Variants in CA12 observed in about 807,000 individuals in gnomAD.
CA12 encodes the protein carbonate dehydratase XII.
Under a neutral mutation model 46.8 loss-of-function variants are expected in CA12, and 36 were observed. The ratio of observed to expected loss-of-function variants is 0.77; its 90% CI spans 0.59 to 1.02. The LOEUF (loss-of-function observed/expected upper bound fraction) is 1.02, where lower values mean the gene tolerates loss of function less well. CA12 is among the 50% of genes least tolerant of loss of function. The pLI is 0.00. For missense variants in CA12, 436 were observed against 451.4 expected (o/e 0.97, Z 0.31); for synonymous variants, 202 against 187.0 (o/e 1.08, Z -0.65).
At chr15:63,344,770 A>G (rs777198797) in intron 4 of CA12, among the ~76,000 whole-genome samples, 36 of 152,132 alleles carry the variant, frequency 2.4e-4, no homozygotes, top group Non-Finnish European at 4.9e-4. Flanking sequence ...TGGAGTGCCA[A>G]AATGGAGCAT....
intron 2 of CA12, among the ~76,000 whole-genome samples, chr15:63,371,043 A>C (rs900335820): frequency 6.6e-6 from 1 of 152,200 alleles, no homozygotes; most frequent in Admixed American, 6.5e-5. Flanking sequence ...GTGAGGTCAC[A>C]CAGTGCCTTT....
chr15:63,362,793 C>T (rs558493664), intron 2 of CA12, among the ~76,000 whole-genome samples: 2 of 152,132 alleles, frequency 1.3e-5, no homozygotes. Context: ...AAAAAAACCA[C>T]GAAAACAAAA....
intron 2 of CA12, among the ~76,000 whole-genome samples, chr15:63,352,101 G>T (rs2039240053): frequency 1.3e-5 from 2 of 152,312 alleles, no homozygotes; most frequent in South Asian, 4.1e-4. Flanking sequence ...TGTCACCAAG[G>T]CTGGAGTGCA....
In CA12 at chr15:63,374,105, C is replaced by G. The variant is rs906141612; in HGVS notation, c.106+1553G>C. Among the ~76,000 whole-genome samples, 2 of 152,164 alleles carry G rather than the reference C, an allele frequency of 1.3e-5. No individual in the cohort carries two copies. The highest frequency in any genetic ancestry group is 2.9e-5 in the Non-Finnish European group (2 of 68,036). On this transcript the variant is annotated intron_variant, in intron 2 of 10. Transcript: ENST00000178638. This position sits in a 1 kb window ranked among gnomAD's most constrained non-coding sequence, Gnocchi z 4.4. ...ACTCTTCCTAAAACACAGACTTACTCCCTGCCCTGCCCCTCCAGGAGCAGG... is the reference window on the plus strand; with the variant it reads ...ACTCTTCCTAAAACACAGACTTACTGCCTGCCCTGCCCCTCCAGGAGCAGG...
intron 4 of CA12, among the ~76,000 whole-genome samples, chr15:63,344,936 C>T (rs2039126466): frequency 6.6e-6 from 1 of 152,160 alleles, no homozygotes; most frequent in Admixed American, 6.5e-5. Flanking sequence ...AGTCTGCTTG[C>T]CGTGATGCCC....
Position 63,340,794 on chromosome 15 carries a change from G to A in CA12, c.526-11C>T. 6.2e-7 allele frequency: 1 copy of A among 1,613,610 alleles called. No individual in the cohort carries two copies. The highest frequency in any genetic ancestry group is 8.5e-7 in the Non-Finnish European group (1 of 1,179,448). On this transcript the variant is annotated splice_polypyrimidine_tract_variant and intron_variant, in intron 5 of 10. Coordinates refer to ENST00000178638, the MANE Select transcript of CA12 (RefSeq NM_001218.5). The surrounding 1 kb of genome is among the most constrained non-coding windows in gnomAD (Gnocchi z 4.4). ...ATTGAAGGAGCCCATCTGCAACAGA[G>A]ACAGGGCAGGTTAAACTGGGACAGA...
rs538117056 is a variant in CA12, at chr15:63,327,263, A to G, written c.908-30T>C. ...TGAAGAGGTAGAGGGCACACATTACATTCCTTCCTTCCCCTCCATCTTAGC... is the reference window on the plus strand; with the variant it reads ...TGAAGAGGTAGAGGGCACACATTACGTTCCTTCCTTCCCCTCCATCTTAGC... On this transcript the variant is annotated intron_variant, in intron 9 of 10. Transcript: ENST00000178638. The surrounding 1 kb of genome is among the most constrained non-coding windows in gnomAD (Gnocchi z 4.5). 2.5e-6 allele frequency: 4 copies of G among 1,578,240 alleles called. No homozygotes were observed. The highest frequency in any genetic ancestry group is 1.3e-5 in the African/African-American group (1 of 74,342).
In CA12 at chr15:63,331,796, C is replaced by G. The variant is rs1326236277; in HGVS notation, c.875-3666G>C. The G allele has an allele frequency of 4.6e-5, 7 of 152,208 alleles. No individual in the cohort carries two copies. Among genetic ancestry groups the G allele is most frequent in the Admixed American group, 4.6e-4 (7 of 15,282 alleles). 9.4% of individuals were successfully genotyped at this position (152,208 alleles called of 1,614,324 possible). Reference sequence around the variant, plus strand: ...GCAGGCCCAGGAGCTGCGTCTTCCACCGGCATCTTGCTGGACTGAGGGATG... The same window carrying G: ...GCAGGCCCAGGAGCTGCGTCTTCCAGCGGCATCTTGCTGGACTGAGGGATG... On this transcript the variant is annotated intron_variant, in intron 8 of 10. Transcript: ENST00000178638. This position sits in a 1 kb window ranked among gnomAD's most constrained non-coding sequence, Gnocchi z 5.3.
At position 63,325,984 on chromosome 15, in the gene CA12, C is replaced by A. The variant is rs1279462240; in HGVS notation, c.*301G>T. On this transcript the variant is annotated 3_prime_UTR_variant, in exon 11 of 11. Coordinates refer to ENST00000178638, the MANE Select transcript of CA12 (RefSeq NM_001218.5). The surrounding 1 kb of genome is among the most constrained non-coding windows in gnomAD (Gnocchi z 4.9). ...TGTTTTCCAACCATTAATGGCCCAC[C>A]AGCATGGCTTGGTTTGTGATTCCAG... The A allele has an allele frequency of 2.4e-6, 1 of 416,756 alleles. No homozygotes were observed. The highest frequency in any genetic ancestry group is 4.5e-6 in the Non-Finnish European group (1 of 223,198). 25.8% of individuals were successfully genotyped at this position (416,756 alleles called of 1,614,324 possible).
chr15:63,343,866 C>T (rs2039112885), intron 4 of CA12, among the ~76,000 whole-genome samples: 1 of 152,176 alleles, frequency 6.6e-6, no homozygotes, highest in African/African-American at 2.4e-5. Context: ...AAAAGTCAAG[C>T]TGGGAGCTGC....
chr15:63,353,428 G>A (rs1160370864), intron 2 of CA12, among the ~76,000 whole-genome samples: 1 of 152,200 alleles, frequency 6.6e-6, no homozygotes, highest in African/African-American at 2.4e-5. Context: ...GAAAGAGTCT[G>A]GGATCCATCC....
intron 2 of CA12, among the ~76,000 whole-genome samples, chr15:63,364,727 C>G (rs1480212692): frequency 2.0e-5 from 3 of 152,250 alleles, no homozygotes; most frequent in Non-Finnish European, 4.4e-5. Flanking sequence ...TGCCTCTTCA[C>G]TGTGCATGGC....
intron 1 of CA12, among the ~76,000 whole-genome samples, chr15:63,380,888 C>T (rs1324140071): frequency 6.6e-6 from 1 of 152,174 alleles, no homozygotes; most frequent in Non-Finnish European, 1.5e-5. Flanking sequence ...CTCACTGGCC[C>T]GGCGTGAGCC....
At position 63,339,339 on chromosome 15, in the gene CA12, T is replaced by C. The variant is rs1333473762; in HGVS notation, c.748-394A>G. Among the ~76,000 whole-genome samples, 1 of 152,136 alleles carries C rather than the reference T, an allele frequency of 6.6e-6. No individual in the cohort carries two copies. Among genetic ancestry groups the C allele is most frequent in the Non-Finnish European group, 1.5e-5 (1 of 68,014 alleles). On this transcript the variant is annotated intron_variant, in intron 7 of 10. Coordinates refer to ENST00000178638, the MANE Select transcript of CA12 (RefSeq NM_001218.5). This position sits in a 1 kb window ranked among gnomAD's most constrained non-coding sequence, Gnocchi z 4.3. Reference sequence around the variant, plus strand: ...TCAACCAGAGGGTCGCAGGGCTTGTTCTGATGGTCATATCAGAAGGAATAA... The same window carrying C: ...TCAACCAGAGGGTCGCAGGGCTTGTCCTGATGGTCATATCAGAAGGAATAA...
intron 3 of CA12, among the ~76,000 whole-genome samples, chr15:63,346,029 A>C (rs2039142897): frequency 6.6e-6 from 1 of 152,234 alleles, no homozygotes; most frequent in Non-Finnish European, 1.5e-5. Context: ...TCTGTATGCC[A>C]GACCCCAACG....
At position 63,348,388 on chromosome 15, in the gene CA12, G is replaced by C. The variant is rs993905865; in HGVS notation, c.107-1679C>G. Among the ~76,000 whole-genome samples the C allele has an allele frequency of 6.6e-6, 1 of 152,166 alleles. No homozygotes were observed. Among genetic ancestry groups the C allele is most frequent in the African/African-American group, 2.4e-5 (1 of 41,434 alleles). On this transcript the variant is annotated intron_variant, in intron 2 of 10. Transcript: ENST00000178638. The surrounding 1 kb of genome is among the most constrained non-coding windows in gnomAD (Gnocchi z 4.6). ...AAGCAGGCACTCCAGGGCCAAACTG[G>C]AGTAAGACAATTATTCAGCTGGGGG...
intron 8 of CA12, among the ~76,000 whole-genome samples, chr15:63,335,920 G>T (rs1313920208): frequency 3.3e-5 from 5 of 152,208 alleles, no homozygotes. Flanking sequence ...ACCCCTTTGG[G>T]ACTGCCTCCT....
intron 8 of CA12, among the ~76,000 whole-genome samples, chr15:63,337,688 C>G (rs943423222): frequency 1.3e-5 from 2 of 152,108 alleles, no homozygotes; most frequent in Non-Finnish European, 2.9e-5. Flanking sequence ...AAATCCTGAC[C>G]TCATGATCCA....
chr15:63,360,848 T>C (rs1454028849), intron 2 of CA12, among the ~76,000 whole-genome samples: 1 of 152,220 alleles, frequency 6.6e-6, no homozygotes, highest in Non-Finnish European at 1.5e-5. Context: ...TACCTGCTTA[T>C]ATGTCTACCT....
Sources: gnomAD v4.1 joint callset for allele counts (sites outside exome capture counted in the v4.1 genomes callset) on GRCh38, gnomAD v4.1.1 for gene constraint, Gnocchi (gnomAD v3.1) non-coding constraint, MANE v1.5 for transcripts, NCBI Gene and HGNC (gene_info 2026-07-23, HGNC 2026-07-21) for gene names.